Variants in PLXDC1 observed in about 807,000 individuals in gnomAD.
PLXDC1 encodes plexin domain containing 1.
PLXDC1 carries 39 observed loss-of-function variants against 61.3 expected under a neutral mutation model. The observed-to-expected ratio is 0.64, with a 90% CI of 0.49 to 0.83. The LOEUF (loss-of-function observed/expected upper bound fraction) is 0.83. Among genes scored for constraint, PLXDC1 ranks in the 40% least tolerant of loss-of-function variants. The probability of loss-of-function intolerance (pLI) is 0.00; values close to 1 mark genes in which losing one functional copy is unlikely to be tolerated. For synonymous variants in PLXDC1, 212 were observed against 254.5 expected, an observed-to-expected ratio of 0.83 and a Z score of 1.59; for missense variants, 596 against 666.5, an observed-to-expected ratio of 0.89 and a Z score of 1.17.
chr17:39,091,583 G>A (rs1397030921), intron 7 of PLXDC1, among the ~76,000 whole-genome samples: 1 of 152,172 alleles, frequency 6.6e-6, no homozygotes, highest in Admixed American at 6.5e-5. Context: ...GGTCCCCAAG[G>A]CGAGCACTGC....
intron 7 of PLXDC1, among the ~76,000 whole-genome samples, chr17:39,102,594 C>G (rs1157404503): frequency 1.3e-5 from 2 of 152,152 alleles, no homozygotes; most frequent in Admixed American, 1.3e-4. Context: ...AATGGACTAT[C>G]AGGCAGCCAT....
intron 9 of PLXDC1, 41 bp downstream of exon 9, chr17:39,083,418 A>G (rs9891236): frequency 0.87 from 1,333,188 of 1,531,838 alleles, 583,309 homozygotes; most frequent in African/African-American, 0.98. Flanking sequence ...TCCCCTCCAC[A>G]GTCGGCCAGT....
At chr17:39,142,772 G>A (rs1034867854) in intron 1 of PLXDC1, among the ~76,000 whole-genome samples, 3 of 152,140 alleles carry the variant, frequency 2.0e-5, no homozygotes, top group East Asian at 1.9e-4. Flanking sequence ...GGGCTCTAGC[G>A]GTCCTTCCAC....
At chr17:39,107,709 G>C in intron 5 of PLXDC1, 184 bp from the exon 6 acceptor site, 1 of 626,950 alleles carries the variant, frequency 1.6e-6, no homozygotes, top group Non-Finnish European at 2.9e-6. Flanking sequence ...AAGCAGCAGA[G>C]GAGCCAGAAG....
In PLXDC1 at chr17:39,081,451, T is replaced by TAA. The variant is rs35707439; in HGVS notation, c.989+2006_989+2007dup. ...TAACACGGTGAAACCTCATCTCTAC[T>TAA]AAAAAAAAAAAAAAAAATACAAAAA... On this transcript the variant is annotated intron_variant, in intron 9 of 13. Coordinates refer to ENST00000315392, the MANE Select transcript of PLXDC1 (RefSeq NM_020405.5). The TAA allele has an allele frequency of 4.1e-3, 530 of 130,066 alleles. 5 individuals carry two copies. The highest frequency in any genetic ancestry group is 0.02 in the East Asian group (90 of 4,530). 8.1% of individuals were successfully genotyped at this position (130,066 alleles called of 1,614,324 possible).
At chr17:39,091,708 A>T (rs1204797071) in intron 7 of PLXDC1, among the ~76,000 whole-genome samples, 2 of 152,140 alleles carry the variant, frequency 1.3e-5, no homozygotes, top group Non-Finnish European at 2.9e-5. Flanking sequence ...CTGTAATCTC[A>T]GCATTTTGGG....
rs777296887 is a variant in PLXDC1, at chr17:39,087,697, G to A, written c.817C>T (p.Arg273Trp). The change falls in exon 8 of 14, where the codon CGG becomes TGG. Residue 273 changes from arginine to tryptophan, a missense_variant. Physicochemically the swap from Arg to Trp is moderately radical, Grantham distance 101. Coordinates refer to ENST00000315392, the MANE Select transcript of PLXDC1 (RefSeq NM_020405.5). ...LNPSPDVPES[R>W]RRSIFEYHRI... is the part of the protein sequence containing the mutation. ...TGATATTCAAAGATGCTCCTTCGCC[G>A]AGATTCTGAAACAGAGGCAGAGCCT... 5 of 1,612,338 alleles carry A rather than the reference G, an allele frequency of 3.1e-6. No homozygotes were observed. The highest frequency in any genetic ancestry group is 1.7e-5 in the Admixed American group (1 of 59,960).
chr17:39,074,134 C>T (rs972959935), intron 11 of PLXDC1, among the ~76,000 whole-genome samples: 1 of 152,136 alleles, frequency 6.6e-6, no homozygotes, highest in African/African-American at 2.4e-5. Flanking sequence ...GGGCTGTAAC[C>T]ACACAGGCAG....
At position 39,098,205 on chromosome 17, in the gene PLXDC1, C is replaced by CA. The variant is rs56027303; in HGVS notation, c.811+7648dup. On this transcript the variant is annotated intron_variant, in intron 7 of 13. Transcript: ENST00000315392. ...GGGCAACAAGAGTGAAACTCCATCT[C>CA]AAAAAAAAAAAAAAAAAAAAAAAAA... Among the ~76,000 whole-genome samples the CA allele has an allele frequency of 3.1e-3, 311 of 101,446 alleles. 8 individuals carry two copies. The highest frequency in any genetic ancestry group is 0.027 in the Middle Eastern group (5 of 188). The allele number at this position is 101,446 out of a possible 152,430, so 66.6% of individuals were successfully genotyped here.
In PLXDC1 at chr17:39,064,568, A is replaced by T. The variant is rs1435159509; in HGVS notation, c.*3272T>A. ...ATACATGTCATGAGGGTCATTGCCA[A>T]AGAAAGAAGTGAGTTAAGTGTAAGG... is the stretch of plus-strand genomic sequence containing the variant. On this transcript the variant is annotated 3_prime_UTR_variant, in exon 14 of 14. Transcript: ENST00000315392. 1.3e-5 allele frequency: 2 copies of T among 152,188 alleles called. No homozygotes were observed. The highest frequency in any genetic ancestry group is 4.8e-5 in the African/African-American group (2 of 41,448). 9.4% of individuals were successfully genotyped at this position (152,188 alleles called of 1,614,324 possible).
intron 7 of PLXDC1, among the ~76,000 whole-genome samples, chr17:39,103,907 GC>G (rs1427163770): frequency 6.6e-6 from 1 of 151,790 alleles, no homozygotes; most frequent in Non-Finnish European, 1.5e-5. Context: ...AGAGGGATGT[GC>G]AAACAAGTAA....
intron 1 of PLXDC1, among the ~76,000 whole-genome samples, chr17:39,143,636 G>A (rs1305332777): frequency 6.6e-6 from 1 of 152,206 alleles, no homozygotes; most frequent in Non-Finnish European, 1.5e-5. Flanking sequence ...CCGCTGTGGG[G>A]CCCTGCTTTG....
At chr17:39,113,362 G>C (rs1910871123) in intron 2 of PLXDC1, among the ~76,000 whole-genome samples, 1 of 152,152 alleles carries the variant, frequency 6.6e-6, no homozygotes, top group African/African-American at 2.4e-5. Context: ...AATTTGTTCT[G>C]GCAGCCCTAG....
At chr17:39,119,598 T>C (rs1185210980) in intron 2 of PLXDC1, among the ~76,000 whole-genome samples, 2 of 151,938 alleles carry the variant, frequency 1.3e-5, no homozygotes, top group Non-Finnish European at 2.9e-5. Context: ...ATACCAAAAC[T>C]GGCCAGGGGT....
chr17:39,115,421 G>A (rs1407743810), intron 2 of PLXDC1, among the ~76,000 whole-genome samples: 1 of 152,214 alleles, frequency 6.6e-6, no homozygotes, highest in Admixed American at 6.5e-5. Flanking sequence ...CCAGGGGGAG[G>A]ACTGGCTCAA....
At position 39,067,744 on chromosome 17, in the gene PLXDC1, G is replaced by T; in HGVS notation, c.*96C>A. On this transcript the variant is annotated 3_prime_UTR_variant, in exon 14 of 14. Coordinates refer to ENST00000315392, the MANE Select transcript of PLXDC1 (RefSeq NM_020405.5). ...AAACCACCATCTCATCTCAGCCCAG[G>T]GCATGCTGGGAGAGGCCAGGAAAAG... The T allele has an allele frequency of 8.4e-7, 1 of 1,196,662 alleles. No individual in the cohort carries two copies. Among genetic ancestry groups the T allele is most frequent in the Non-Finnish European group, 1.2e-6 (1 of 834,604 alleles). 74.1% of individuals were successfully genotyped at this position (1,196,662 alleles called of 1,614,324 possible).
chr17:39,081,921 G>A (rs751112430), intron 9 of PLXDC1, among the ~76,000 whole-genome samples: 4 of 152,218 alleles, frequency 2.6e-5, no homozygotes, highest in Non-Finnish European at 5.9e-5. Flanking sequence ...CAGCCTGGAT[G>A]ACAGAGCAAG....
Position 39,128,097 on chromosome 17 carries a change from GTATA to G in PLXDC1, c.255+11553_255+11556del, listed in dbSNP as rs1419922925. On this transcript the variant is annotated intron_variant, in intron 2 of 13. Coordinates refer to ENST00000315392, the MANE Select transcript of PLXDC1 (RefSeq NM_020405.5). ...TCTCTCTCTCTCTCTCTCTCTATGTGTATATATATATATATATGTATATATATAT... is the reference window on the plus strand; with the variant it reads ...TCTCTCTCTCTCTCTCTCTCTATGTGTATATATATATATGTATATATATAT... 8.9e-5 allele frequency among the ~76,000 whole-genome samples: 6 copies of G among 67,478 alleles called. 1 individual carries two copies. Among genetic ancestry groups the G allele is most frequent in the African/African-American group, 2.9e-4 (4 of 13,608 alleles). The allele number at this position is 67,478 out of a possible 152,430, so 44.3% of individuals were successfully genotyped here. A position where few individuals can be genotyped will look rare whatever the true frequency, so the allele number is the denominator to read the frequency against.
rs1381984292 is a variant in PLXDC1, at chr17:39,064,182, A to C, written c.*3658T>G. ...CAGGAGACCCCTGATAAAACACACA[A>C]ATTTTAAAAATTTATTTTTAAACAA... On this transcript the variant is annotated 3_prime_UTR_variant, in exon 14 of 14. Coordinates refer to ENST00000315392, the MANE Select transcript of PLXDC1 (RefSeq NM_020405.5). 6.6e-6 allele frequency: 1 copy of C among 152,214 alleles called. No individual in the cohort carries two copies. The highest frequency in any genetic ancestry group is 1.5e-5 in the Non-Finnish European group (1 of 68,070). The allele number at this position is 152,214 out of a possible 1,614,324, so 9.4% of individuals were successfully genotyped here.
Sources: allele counts gnomAD v4.1 joint callset (sites outside exome capture counted in the v4.1 genomes callset), GRCh38; gene constraint gnomAD v4.1.1; transcripts MANE v1.5; gene names NCBI Gene and HGNC (gene_info 2026-07-23, HGNC 2026-07-21).